MINK1: variants seen among roughly 807,000 people sequenced by gnomAD.
MINK1 encodes misshapen like kinase 1.
In MINK1, 46 loss-of-function variants were observed where a neutral mutation model predicts 178.4. The ratio of observed to expected loss-of-function variants is 0.26; its 90% CI spans 0.20 to 0.33. The LOEUF (loss-of-function observed/expected upper bound fraction) is 0.33, where lower values mean the gene tolerates loss of function less well. Ranked by LOEUF, MINK1 falls within the 10% of genes least tolerant of loss-of-function variation. MINK1 has a pLI of 1.00. For missense variants in MINK1, 1,366 were observed against 1,814.9 expected, an observed-to-expected ratio of 0.75 and a Z score of 4.49; for synonymous variants, 797 against 709.7, an observed-to-expected ratio of 1.12 and a Z score of -1.96.
At position 4,891,647 on chromosome 17, in the gene MINK1, C is replaced by G. The variant is rs781208131; in HGVS notation, c.1932C>G (p.Thr644=). 2 of 1,601,014 alleles carry G rather than the reference C, an allele frequency of 1.2e-6. No individual in the cohort carries two copies. The highest frequency in any genetic ancestry group is 2.3e-5 in the South Asian group (2 of 88,832). Residue 644 remains threonine, a synonymous_variant, in exon 16 of 32, where the codon ACC becomes ACG. Transcript: ENST00000355280. The stretch of plus-strand genomic sequence containing the variant: ...TCATCCGCCAGAATTCAGACCCCAC[C>G]TCTGAAGGACCTGGCCCCAGCCCGA... ...GAVIRQNSDP[T]SEGPGPSPNP... is the part of the protein sequence containing the mutation.
intron 2 of MINK1, 116 bp downstream of exon 2, chr17:4,878,498 G>A: frequency 2.2e-6 from 2 of 924,638 alleles, no homozygotes; most frequent in Middle Eastern, 6.0e-4. Context: ...AGATGCTAGA[G>A]TCTAGGGCCC....
chr17:4,895,586 T>C lies in MINK1; in HGVS notation c.3229+93T>C. 6.5e-7 allele frequency: 1 copy of C among 1,546,804 alleles called. No individual in the cohort carries two copies. The highest frequency in any genetic ancestry group is 1.9e-5 in the Admixed American group (1 of 53,550). On this transcript the variant is annotated intron_variant, in intron 26 of 31. Coordinates refer to ENST00000355280, the MANE Select transcript of MINK1 (RefSeq NM_153827.5). The surrounding 1 kb of genome is among the most constrained non-coding windows in gnomAD (Gnocchi z 4.3). ...TGGGAGGAGGGCAGGCACTGGAAGG[T>C]GGGGCCACACTTTCTCACCCCTTGT...
intron 1 of MINK1, among the ~76,000 whole-genome samples, chr17:4,841,212 G>A (rs764461920): frequency 2.0e-5 from 3 of 152,110 alleles, no homozygotes; most frequent in Admixed American, 6.6e-5. Flanking sequence ...GGGCATCTCC[G>A]CACGGGCACT....
intron 1 of MINK1, among the ~76,000 whole-genome samples, chr17:4,876,444 G>A (rs1967191583): frequency 6.6e-6 from 1 of 152,204 alleles, no homozygotes; most frequent in Admixed American, 6.5e-5. Flanking sequence ...AATGGAAAAA[G>A]TGCACAGTGA....
chr17:4,893,045 G>A lies in MINK1; in HGVS notation c.2378G>A (p.Arg793His), dbSNP rs779881021. The change falls in exon 20 of 32, where the codon CGC (arginine) becomes CAC (histidine). Residue 793 changes from arginine to histidine, a missense_variant. By Grantham distance (29) the Arg-to-His change is conservative (BLOSUM62 0). Coordinates refer to ENST00000355280, the MANE Select transcript of MINK1 (RefSeq NM_153827.5). The stretch of plus-strand genomic sequence containing the variant: ...AATAAAGCCAAGCCCGACGACCACC[G>A]CTCACGGCCAGGCCGGCCCGCAGTG... ...PGNKAKPDDH[R>H]SRPGRPADFV... 2.6e-5 allele frequency: 41 copies of A among 1,572,316 alleles called. No homozygotes were observed. Among genetic ancestry groups the A allele is most frequent in the East Asian group, 7.2e-5 (3 of 41,754 alleles).
chr17:4,848,322 C>T (rs891873020), intron 1 of MINK1, among the ~76,000 whole-genome samples: 4 of 152,230 alleles, frequency 2.6e-5, no homozygotes, highest in Non-Finnish European at 5.9e-5. Context: ...TCACTTACTA[C>T]GTGTTCTTTG....
At position 4,842,770 on chromosome 17, in the gene MINK1, G is replaced by A. The variant is rs147123865; in HGVS notation, c.57+9130G>A. Among the ~76,000 whole-genome samples the A allele has an allele frequency of 4.0e-3, 607 of 152,300 alleles. 4 individuals carry two copies. The highest frequency in any genetic ancestry group is 0.014 in the African/African-American group (591 of 41,562). On this transcript the variant is annotated intron_variant, in intron 1 of 31. Transcript: ENST00000355280. Reference sequence around the variant, plus strand: ...GCAAAGATAGGCAGGTGCATGTGGCGTCTTAGAGAGGGGCCAGCACATCGT... The same window carrying A: ...GCAAAGATAGGCAGGTGCATGTGGCATCTTAGAGAGGGGCCAGCACATCGT...
Position 4,891,691 on chromosome 17 carries a change from G to C in MINK1, c.1976G>C (p.Arg659Pro). 1 of 1,602,308 alleles carries C rather than the reference G, an allele frequency of 6.2e-7. No homozygotes were observed. The highest frequency in any genetic ancestry group is 8.5e-7 in the Non-Finnish European group (1 of 1,175,118). ...AGCCCGAATCCCCCAGCCTGGGTCC[G>C]CCCAGATAACGAGGCCCCACCCAAG... is the stretch of plus-strand genomic sequence containing the variant. The part of the protein sequence containing the change: ...GPSPNPPAWV[R>P]PDNEAPPKVP... Residue 659 changes from arginine to proline, a missense_variant, in exon 16 of 32, where the codon CGC becomes CCC. Arg to Pro is a moderately radical substitution (Grantham distance 103, BLOSUM62 -2). This residue lies in a region of MINK1 where 709 missense variants were observed against 692.3 expected (regional missense o/e 1.02). Coordinates refer to ENST00000355280, the MANE Select transcript of MINK1 (RefSeq NM_153827.5).
Position 4,895,759 on chromosome 17 carries a change from T to C in MINK1, c.3291T>C (p.Asn1097=), listed in dbSNP as rs1282541914. The C allele has an allele frequency of 6.2e-7, 1 of 1,613,802 alleles. No individual in the cohort carries two copies. Among genetic ancestry groups the C allele is most frequent in the South Asian group, 1.1e-5 (1 of 91,072 alleles). The change falls in exon 27 of 32, where the codon AAT becomes AAC. Residue 1097 remains asparagine (N), a synonymous_variant. Coordinates refer to ENST00000355280, the MANE Select transcript of MINK1 (RefSeq NM_153827.5). This position sits in a 1 kb window ranked among gnomAD's most constrained non-coding sequence, Gnocchi z 4.3. ...LSWLRNKILH[N]DPEVEKKQGW... ...GGCTCCGGAACAAGATTCTGCACAA[T>C]GACCCAGAAGTGGAGAAGAAGCAGG... is the stretch of plus-strand genomic sequence containing the variant.
In MINK1 at chr17:4,886,406, C is replaced by G. The variant is rs73973645; in HGVS notation, c.774-45C>G. 11,642 of 1,572,490 alleles carry G rather than the reference C, an allele frequency of 7.4e-3. 317 individuals carry two copies. The African/African-American group carries it at 0.079, about 11-fold the overall frequency. On this transcript the variant is annotated intron_variant, in intron 9 of 31. Transcript: ENST00000355280. The surrounding 1 kb of genome is among the most constrained non-coding windows in gnomAD (Gnocchi z 6.1). ...TCCACCCTCTTCCTCCTGCACCCAT[C>G]CCTTCTGAGGGGACCCTCCCAGTGT...
intron 12 of MINK1, among the ~76,000 whole-genome samples, chr17:4,888,509 G>A (rs781358162): frequency 6.6e-6 from 1 of 151,362 alleles, no homozygotes; most frequent in Non-Finnish European, 1.5e-5. Context: ...GGTGGTGCAC[G>A]CGCCTATAGT....
chr17:4,871,715 A>G (rs1274792537), intron 1 of MINK1, among the ~76,000 whole-genome samples: 1 of 152,200 alleles, frequency 6.6e-6, no homozygotes, highest in Non-Finnish European at 1.5e-5. Context: ...GAGTGATATG[A>G]TAACTCATTG....
chr17:4,883,410 T>C (rs1249969461), intron 4 of MINK1: 2 of 150,982 alleles, frequency 1.3e-5, no homozygotes, highest in Non-Finnish European at 3.0e-5. Flanking sequence ...TTCACCATGT[T>C]AGCCAGGATG....
chr17:4,883,693 G>T (rs1252894867), intron 4 of MINK1, among the ~76,000 whole-genome samples: 1 of 146,624 alleles, frequency 6.8e-6, no homozygotes, highest in African/African-American at 2.5e-5. Flanking sequence ...CACCACGCCC[G>T]GCTACTTTTT....
chr17:4,854,154 G>A (rs1252880652), intron 1 of MINK1, among the ~76,000 whole-genome samples: 3 of 151,984 alleles, frequency 2.0e-5, no homozygotes, highest in African/African-American at 7.3e-5. Flanking sequence ...CCATCTGTCC[G>A]TTGCCTTGCT....
chr17:4,875,894 C>T (rs1370834832), intron 1 of MINK1, among the ~76,000 whole-genome samples: 2 of 150,844 alleles, frequency 1.3e-5, no homozygotes, highest in African/African-American at 4.9e-5. Context: ...CTCCTGGGTT[C>T]AAGTAATTCT....
chr17:4,878,208 A>G, intron 1 of MINK1, 109 bp from the exon 2 acceptor site: 1 of 938,214 alleles, frequency 1.1e-6, no homozygotes, highest in South Asian at 1.5e-5. Flanking sequence ...CCCTCCTGAT[A>G]TGCTGGTCTT....
intron 21 of MINK1, 144 bp downstream of exon 21, chr17:4,893,741 GTC>G (rs974905096): frequency 4.6e-5 from 57 of 1,235,798 alleles, no homozygotes; most frequent in Non-Finnish European, 6.0e-5. Context: ...GCAGGTTCCT[GTC>G]TCTCTCCCGC....
rs1597392903 is a variant in MINK1, at chr17:4,848,704, C to T, written c.57+15064C>T. 5.3e-5 allele frequency among the ~76,000 whole-genome samples: 8 copies of T among 151,792 alleles called. No individual in the cohort carries two copies. The South Asian group carries it at 1.7e-3, about 32-fold the overall frequency. ...TAGAGATGGGGTTTTGCCATGTTGG[C>T]TAGGCTTGTCTTGAGCTCCTGACCT... On this transcript the variant is annotated intron_variant, in intron 1 of 31. Coordinates refer to ENST00000355280, the MANE Select transcript of MINK1 (RefSeq NM_153827.5).
Sources: gnomAD v4.1 joint callset for allele counts (sites outside exome capture counted in the v4.1 genomes callset) on GRCh38, gnomAD v4.1.1 for gene constraint, gnomAD v4.1.1 regional missense constraint, Gnocchi (gnomAD v3.1) non-coding constraint, MANE v1.5 for transcripts, NCBI Gene and HGNC (gene_info 2026-07-23, HGNC 2026-07-21) for gene names.